NEIL3: variants seen among roughly 807,000 people sequenced by gnomAD.
NEIL3 encodes nei like DNA glycosylase 3.
A neutral mutation model predicts 57.5 loss-of-function variants in NEIL3; 48 were observed. That is an observed-to-expected ratio of 0.83 (90% CI 0.66 to 1.06). The LOEUF (loss-of-function observed/expected upper bound fraction) is 1.06. Ranked by LOEUF, NEIL3 falls within the 50% of genes least tolerant of loss-of-function variation. NEIL3 has a pLI of 0.00. For synonymous variants in NEIL3, 261 were observed against 253.2 expected, an observed-to-expected ratio of 1.03 and a Z score of -0.29; for missense variants, 717 against 739.1, an observed-to-expected ratio of 0.97 and a Z score of 0.35.
In NEIL3 at chr4:177,336,201, TA is replaced by T; in HGVS notation, c.513del (p.Lys171AsnfsTer7). 1 of 1,614,086 alleles carries T rather than the reference TA, an allele frequency of 6.2e-7. No homozygotes were observed. The highest frequency in any genetic ancestry group is 8.5e-7 in the Non-Finnish European group (1 of 1,179,928). On this transcript the variant is annotated frameshift_variant, in exon 4 of 10. Coordinates refer to ENST00000264596, the MANE Select transcript of NEIL3 (RefSeq NM_018248.3). LOFTEE classifies it high-confidence loss of function. ...FSFLRAESEV[K>X]KQKGRMLGDV... ...GTTTCTTGAGAGCAGAAAGTGAAGT[TA>T]AAAAACAGAAAGGCCGGATGCTAGG...
intron 4 of NEIL3, among the ~76,000 whole-genome samples, chr4:177,336,705 C>T (rs1331946701): frequency 6.6e-6 from 1 of 152,172 alleles, no homozygotes; most frequent in Non-Finnish European, 1.5e-5. Flanking sequence ...TGAAGTATCC[C>T]AACATCTAGA....
rs1182763568 is a variant in NEIL3 at position 177,336,246 on chromosome 4, G to C, written c.552G>C (p.Gln184His). The C allele has an allele frequency of 6.2e-7, 1 of 1,614,224 alleles. No homozygotes were observed. The highest frequency in any genetic ancestry group is 2.2e-5 in the East Asian group (1 of 44,886). The change falls in exon 4 of 10, where the codon CAG becomes CAC. Residue 184 changes from glutamine (Q) to histidine (H), a missense_variant. Gln to His is a conservative substitution (Grantham distance 24, BLOSUM62 0). Transcript: ENST00000264596. ...GRMLGDVLMD[Q>H]NVLPGVGNII... ...TGCTAGGTGATGTGCTAATGGATCA[G>C]AACGTATTGCCTGGAGTAGGGAACA...
intron 1 of NEIL3, among the ~76,000 whole-genome samples, chr4:177,311,037 C>G (rs892257707): frequency 3.3e-5 from 5 of 151,978 alleles, no homozygotes; most frequent in Non-Finnish European, 5.9e-5. Flanking sequence ...TTTATTTTGA[C>G]TTGATATGCC....
intron 6 of NEIL3, among the ~76,000 whole-genome samples, chr4:177,349,189 T>C (rs1293516035): frequency 6.6e-6 from 1 of 151,900 alleles, no homozygotes; most frequent in African/African-American, 2.4e-5. Context: ...GCCTCGTGGG[T>C]CATGAATTTT....
chr4:177,364,399 G>A (rs1190916494), downstream of NEIL3, among the ~76,000 whole-genome samples: 1 of 152,070 alleles, frequency 6.6e-6, no homozygotes, highest in Non-Finnish European at 1.5e-5. Flanking sequence ...TTGTCCTGAG[G>A]GCAGAACAAA....
intron 6 of NEIL3, chr4:177,343,359 G>A (rs34652004): frequency 0.016 from 2,403 of 152,340 alleles, 60 homozygotes; most frequent in African/African-American, 0.054. Flanking sequence ...AAGGAAATGA[G>A]CCAAGGTCTG....
At chr4:177,352,483 T>TGATAATATAGAATGTATTAC (rs1735376876) in intron 7 of NEIL3, among the ~76,000 whole-genome samples, 1 of 152,104 alleles carries the variant, frequency 6.6e-6, no homozygotes, top group Non-Finnish European at 1.5e-5. Flanking sequence ...GAATGTATTA[T>TGATAATATAGAATGTATTAC]AGTACAGATT....
chr4:177,343,982 A>G (rs1056535659), intron 6 of NEIL3, among the ~76,000 whole-genome samples: 21 of 152,270 alleles, frequency 1.4e-4, no homozygotes, highest in Admixed American at 3.3e-4. Context: ...TTGGTTTTCT[A>G]TGAATTGATA....
chr4:177,321,737 G>T (rs144137603), intron 1 of NEIL3, among the ~76,000 whole-genome samples: 1 of 152,138 alleles, frequency 6.6e-6, no homozygotes, highest in Admixed American at 6.5e-5. Context: ...TTAACATTGT[G>T]CTTGGAATAG....
chr4:177,318,989 C>T (rs1427797918), intron 1 of NEIL3, among the ~76,000 whole-genome samples: 1 of 152,186 alleles, frequency 6.6e-6, no homozygotes, highest in Non-Finnish European at 1.5e-5. Flanking sequence ...GGAGGATCAT[C>T]TTTCCAGATG....
At chr4:177,330,807 C>CT (rs529539992) in intron 2 of NEIL3, among the ~76,000 whole-genome samples, 7 of 152,156 alleles carry the variant, frequency 4.6e-5, no homozygotes, top group South Asian at 2.1e-4. Flanking sequence ...AGCTATGTAA[C>CT]TTTTTTTATA....
intron 8 of NEIL3, among the ~76,000 whole-genome samples, chr4:177,354,435 AAAGTT>A (rs1279245621): frequency 6.6e-6 from 1 of 152,182 alleles, no homozygotes; most frequent in Non-Finnish European, 1.5e-5. Flanking sequence ...ATTTTTTATA[AAAGTT>A]TAGTAAGTAT....
At chr4:177,362,231 G>T (rs1579011807) in intron 9 of NEIL3, 58 bp from the exon 10 acceptor site, 1 of 1,381,494 alleles carries the variant, frequency 7.2e-7, no homozygotes, top group South Asian at 1.4e-5. Context: ...CCTAGGGTTA[G>T]CCTGTACATC....
chr4:177,322,603 A>G (rs763991009), intron 2 of NEIL3, 23 bp downstream of exon 2: 35 of 1,613,316 alleles, frequency 2.2e-5, no homozygotes, highest in African/African-American at 4.0e-5. Context: ...TGTACGATAC[A>G]TCTTATCTCT....
intron 2 of NEIL3, among the ~76,000 whole-genome samples, chr4:177,334,158 C>A (rs1027966047): frequency 2.0e-5 from 3 of 150,180 alleles, no homozygotes; most frequent in African/African-American, 7.3e-5. Flanking sequence ...AAAAAAAAAT[C>A]AGTATCAATT....
At chr4:177,368,251 T>C in the NEIL3 span, among the ~76,000 whole-genome samples, 2 of 152,192 alleles carry the variant, frequency 1.3e-5, no homozygotes, top group African/African-American at 4.8e-5. Flanking sequence ...ATGTTAAAAT[T>C]CCCATAAGTT....
chr4:177,320,710 G>A lies in NEIL3; in HGVS notation c.157-1749G>A, dbSNP rs540443182. On this transcript the variant is annotated intron_variant, in intron 1 of 9. Coordinates refer to ENST00000264596, the MANE Select transcript of NEIL3 (RefSeq NM_018248.3). Reference sequence around the variant, plus strand: ...TCTCGATCTCCTGACCTCGTGATCCGCCCGCCTCGACCTCCCAAAGTGCTG... The same window carrying A: ...TCTCGATCTCCTGACCTCGTGATCCACCCGCCTCGACCTCCCAAAGTGCTG... 2.6e-5 allele frequency among the ~76,000 whole-genome samples: 4 copies of A among 151,500 alleles called. No individual in the cohort carries two copies. In the South Asian group the frequency reaches 6.3e-4, roughly 24 times the overall value.
downstream of NEIL3, among the ~76,000 whole-genome samples, chr4:177,364,172 T>C (rs1735661379): frequency 6.7e-6 from 1 of 148,632 alleles, no homozygotes; most frequent in South Asian, 2.3e-4. Flanking sequence ...CTTAATTCTA[T>C]TATGATAAAA....
chr4:177,316,766 A>G (rs1177611132), intron 1 of NEIL3, among the ~76,000 whole-genome samples: 1 of 152,198 alleles, frequency 6.6e-6, no homozygotes, highest in African/African-American at 2.4e-5. Context: ...GCTTATAGAC[A>G]GGGGAGAAAT....
Sources: allele counts gnomAD v4.1 joint callset (sites outside exome capture counted in the v4.1 genomes callset), GRCh38; gene constraint gnomAD v4.1.1; transcripts MANE v1.5; gene names NCBI Gene and HGNC (gene_info 2026-07-23, HGNC 2026-07-21).